The following TMEM132D variants were observed in gnomAD, a reference collection of about 807,000 sequenced individuals.
TMEM132D encodes mature OL transmembrane protein.
TMEM132D carries 21 observed loss-of-function variants against 62.3 expected under a neutral mutation model. That is an observed-to-expected ratio of 0.34 (90% CI 0.24 to 0.49). The LOEUF (loss-of-function observed/expected upper bound fraction) is 0.49. Ranked by LOEUF, TMEM132D falls within the 20% of genes least tolerant of loss-of-function variation. The probability of loss-of-function intolerance (pLI) is 0.99; values close to 1 mark genes in which losing one functional copy is unlikely to be tolerated. For missense variants in TMEM132D, 1,346 were observed against 1,402.8 expected (o/e 0.96, Z 0.65); for synonymous variants, 621 against 575.6 (o/e 1.08, Z -1.13).
intron 3 of TMEM132D, among the ~76,000 whole-genome samples, chr12:129,445,871 A>G (rs1453841535): frequency 1.3e-5 from 2 of 152,088 alleles, no homozygotes; most frequent in African/African-American, 2.4e-5. Flanking sequence ...TCTGCAGGGG[A>G]ATGAAGGAAG....
chr12:129,665,767 G>C (rs963073579), intron 2 of TMEM132D, among the ~76,000 whole-genome samples: 1 of 152,072 alleles, frequency 6.6e-6, no homozygotes, highest in Non-Finnish European at 1.5e-5. Context: ...TTTATATACA[G>C]TGCTAGGCAC....
chr12:129,704,546 A>G (rs537146117), intron 1 of TMEM132D, among the ~76,000 whole-genome samples: 1 of 152,306 alleles, frequency 6.6e-6, no homozygotes, highest in Admixed American at 6.5e-5. Flanking sequence ...ATGAGTCCAA[A>G]CCTAAAATCA....
At chr12:129,897,282 G>A (rs959288359) in intron 1 of TMEM132D, among the ~76,000 whole-genome samples, 2 of 152,126 alleles carry the variant, frequency 1.3e-5, no homozygotes, top group Non-Finnish European at 2.9e-5. Context: ...AATCAACAAC[G>A]CATATGTTCA....
At chr12:129,858,735 GGGATGGGT>G (rs1487107429) in intron 1 of TMEM132D, among the ~76,000 whole-genome samples, 1 of 62,144 alleles carries the variant, frequency 1.6e-5, no homozygotes, top group African/African-American at 8.7e-5. Context: ...CCGGGGAAAC[GGGATGGGT>G]GCCCTTGTAA....
At chr12:129,085,779 C>G (rs1210300526) in intron 5 of TMEM132D, 3 of 152,220 alleles carry the variant, frequency 2.0e-5, no homozygotes, top group African/African-American at 7.2e-5. Context: ...CAACTTCTAC[C>G]TGGTGCAAGA....
intron 4 of TMEM132D, among the ~76,000 whole-genome samples, chr12:129,244,709 C>G (rs1313747767): frequency 1.3e-5 from 2 of 152,004 alleles, no homozygotes; most frequent in Non-Finnish European, 2.9e-5. Context: ...GGTGCAATCT[C>G]AGCTTGCTGC....
intron 2 of TMEM132D, among the ~76,000 whole-genome samples, chr12:129,615,441 TTA>T: frequency 6.6e-6 from 1 of 151,406 alleles, no homozygotes. Flanking sequence ...TACATTTAAA[TTA>T]TATAAAAAAA....
chr12:129,515,882 T>C (rs1875659244), intron 3 of TMEM132D, among the ~76,000 whole-genome samples: 1 of 152,242 alleles, frequency 6.6e-6, no homozygotes, highest in South Asian at 2.1e-4. Context: ...TCCCGTGACA[T>C]GTAAAACCTT....
chr12:129,420,244 C>T (rs963711547), intron 3 of TMEM132D, among the ~76,000 whole-genome samples: 19 of 148,738 alleles, frequency 1.3e-4, no homozygotes, highest in African/African-American at 4.5e-4. Flanking sequence ...TACCGTGTTT[C>T]ATATTCTCTA....
intron 3 of TMEM132D, among the ~76,000 whole-genome samples, chr12:129,432,459 C>A (rs1872689876): frequency 6.6e-6 from 1 of 152,190 alleles, no homozygotes; most frequent in Non-Finnish European, 1.5e-5. Context: ...CTACAAGTGC[C>A]TTAAATCATG....
chr12:129,580,452 G>A (rs1469541399), intron 2 of TMEM132D, among the ~76,000 whole-genome samples: 1 of 152,270 alleles, frequency 6.6e-6, no homozygotes, highest in East Asian at 1.9e-4. Flanking sequence ...AAGGTTTGGT[G>A]GAATCTACAG....
chr12:129,764,188 T>C lies in TMEM132D; in HGVS notation c.80-63490A>G, dbSNP rs1870475580. 2.6e-5 allele frequency among the ~76,000 whole-genome samples: 4 copies of C among 152,202 alleles called. No individual in the cohort carries two copies. In the South Asian group the frequency reaches 8.3e-4, roughly 31 times the overall value. ...ATTGCTGCTTTTAGAAACACAAAGC[T>C]GTGGTAATGTCATCATATTAATTTT... On this transcript the variant is annotated intron_variant, in intron 1 of 8. Coordinates refer to ENST00000422113, the MANE Select transcript of TMEM132D (RefSeq NM_133448.3).
intron 4 of TMEM132D, among the ~76,000 whole-genome samples, chr12:129,328,223 T>G (rs549996668): frequency 1.4e-4 from 22 of 152,362 alleles, no homozygotes; most frequent in African/African-American, 5.3e-4. Flanking sequence ...AATTCTGAAA[T>G]TATCTTGCTC....
rs1355541249 is a variant in TMEM132D at position 129,078,648 on chromosome 12, G to T, written c.2001C>A (p.Asp667Glu). 6 of 1,614,196 alleles carry T rather than the reference G, an allele frequency of 3.7e-6. No individual in the cohort carries two copies. Among genetic ancestry groups the T allele is most frequent in the Non-Finnish European group, 5.1e-6 (6 of 1,180,040 alleles). Residue 667 changes from aspartate to glutamate, a missense_variant, in exon 8 of 9, where the codon GAC (aspartate) becomes GAA (glutamate). Physicochemically the swap from Asp to Glu is conservative, Grantham distance 45. Transcript: ENST00000422113. ...TVLDEKVTITDLGVQLVTGLS... is the reference protein window; with the variant it reads ...TVLDEKVTITELGVQLVTGLS... ...GCCCTGTCACCAGCTGCACCCCGAG[G>T]TCTGTGATGGTCACCTTCTCGTCCA...
At chr12:129,529,965 T>A (rs750901278) in intron 3 of TMEM132D, among the ~76,000 whole-genome samples, 2 of 152,198 alleles carry the variant, frequency 1.3e-5, no homozygotes, top group Non-Finnish European at 2.9e-5. Flanking sequence ...TACATACATA[T>A]CTAGGACTGA....
chr12:129,439,978 C>T (rs972192549), intron 3 of TMEM132D, among the ~76,000 whole-genome samples: 5 of 152,106 alleles, frequency 3.3e-5, no homozygotes, highest in African/African-American at 1.2e-4. Context: ...TTCCCCAAGA[C>T]AAACATGTCC....
In TMEM132D at chr12:129,383,982, C is replaced by T. The variant is rs564696943; in HGVS notation, c.1116-46165G>A. 3.9e-5 allele frequency among the ~76,000 whole-genome samples: 6 copies of T among 152,254 alleles called. No homozygotes were observed. In the South Asian group the frequency reaches 6.2e-4, roughly 16 times the overall value. On this transcript the variant is annotated intron_variant, in intron 3 of 8. Transcript: ENST00000422113. ...CAGTCACCCAGTATCCTCTGCCTCCCGAAAGCTGTAGAACCTCGTAGACTT... is the reference window on the plus strand; with the variant it reads ...CAGTCACCCAGTATCCTCTGCCTCCTGAAAGCTGTAGAACCTCGTAGACTT...
chr12:129,462,423 T>C (rs185157024), intron 3 of TMEM132D, among the ~76,000 whole-genome samples: 1 of 152,254 alleles, frequency 6.6e-6, no homozygotes, highest in African/African-American at 2.4e-5. Context: ...GTTTTAGAAA[T>C]TGAAATAGTA....
At chr12:129,112,790 A>T (rs746624319) in intron 5 of TMEM132D, among the ~76,000 whole-genome samples, 2 of 152,232 alleles carry the variant, frequency 1.3e-5, no homozygotes, top group Non-Finnish European at 2.9e-5. Flanking sequence ...GGTTCAGAAC[A>T]TCCCTGTCAT....
Sources: allele counts gnomAD v4.1 joint callset (sites outside exome capture counted in the v4.1 genomes callset), GRCh38; gene constraint gnomAD v4.1.1; transcripts MANE v1.5; gene names NCBI Gene and HGNC (gene_info 2026-07-23, HGNC 2026-07-21).